Variants in CEP170 observed in about 807,000 individuals in gnomAD.
CEP170 encodes centrosomal protein of 170 kDa.
CEP170 carries 21 observed loss-of-function variants against 151.9 expected under a neutral mutation model. The observed-to-expected ratio is 0.14, with a 90% confidence interval of 0.10 to 0.20. The LOEUF is 0.20. CEP170 is among the 10% of genes least tolerant of loss of function. The pLI is 1.00. For missense variants in CEP170, 964 were observed against 1,892.9 expected, an observed-to-expected ratio of 0.51 and a Z score of 9.11; for synonymous variants, 356 against 648.8, an observed-to-expected ratio of 0.55 and a Z score of 6.86.
chr1:243,232,509 T>C (rs554582991), intron 1 of CEP170, among the ~76,000 whole-genome samples: 71 of 152,324 alleles, frequency 4.7e-4, no homozygotes, highest in African/African-American at 1.4e-3. Context: ...TATGCTACAA[T>C]TTAAAGTATC....
chr1:243,171,723 C>G (rs930679196), intron 11 of CEP170, among the ~76,000 whole-genome samples: 3 of 152,116 alleles, frequency 2.0e-5, no homozygotes, highest in Non-Finnish European at 1.5e-5. Flanking sequence ...TTGTTAAGTG[C>G]ATAAATCTCA....
intron 1 of CEP170, among the ~76,000 whole-genome samples, chr1:243,236,808 A>T (rs889534746): frequency 6.6e-6 from 1 of 152,186 alleles, no homozygotes; most frequent in African/African-American, 2.4e-5. Context: ...GGAGGAAAGC[A>T]GTCTGGGTTA....
chr1:243,241,520 T>C (rs1008856435), intron 1 of CEP170, among the ~76,000 whole-genome samples: 8 of 152,196 alleles, frequency 5.3e-5, no homozygotes, highest in African/African-American at 1.9e-4. Flanking sequence ...CCGGGAGTGG[T>C]GGCTCGCGTC....
chr1:243,248,789 A>C (rs2065658205), intron 1 of CEP170, among the ~76,000 whole-genome samples: 1 of 152,150 alleles, frequency 6.6e-6, no homozygotes, highest in African/African-American at 2.4e-5. Context: ...AAATCCTCCA[A>C]TGAATGCTCA....
At chr1:243,235,119 C>A (rs1205876125) in intron 1 of CEP170, among the ~76,000 whole-genome samples, 1 of 151,960 alleles carries the variant, frequency 6.6e-6, no homozygotes, top group Non-Finnish European at 1.5e-5. Context: ...GAGAATGGAT[C>A]AAGATAGAAA....
intron 2 of CEP170, among the ~76,000 whole-genome samples, chr1:243,224,585 A>G (rs2063082686): frequency 2.0e-5 from 3 of 152,160 alleles, no homozygotes; most frequent in African/African-American, 7.2e-5. Context: ...TCCCTGTAAG[A>G]ATCTATGCCT....
intron 1 of CEP170, among the ~76,000 whole-genome samples, chr1:243,235,422 T>C (rs2064166099): frequency 6.6e-6 from 1 of 152,212 alleles, no homozygotes; most frequent in Non-Finnish European, 1.5e-5. Context: ...GTTTTATAGT[T>C]ACTCCAAAAG....
At chr1:243,202,505 C>T (rs2061116038) in intron 4 of CEP170, among the ~76,000 whole-genome samples, 1 of 151,882 alleles carries the variant, frequency 6.6e-6, no homozygotes, top group Non-Finnish European at 1.5e-5. Context: ...AAGAAAAAAC[C>T]TAGAATTTAA....
intron 1 of CEP170, among the ~76,000 whole-genome samples, chr1:243,233,362 G>C (rs1460398504): frequency 1.3e-5 from 2 of 152,078 alleles, no homozygotes; most frequent in Non-Finnish European, 2.9e-5. Flanking sequence ...ATGAAACAAA[G>C]AAAAACTCTG....
At chr1:243,250,820 T>G (rs1360163973) in intron 1 of CEP170, among the ~76,000 whole-genome samples, 2 of 152,130 alleles carry the variant, frequency 1.3e-5, no homozygotes, top group African/African-American at 2.4e-5. Context: ...TGTTAAAGAG[T>G]TGATACAATT....
Position 243,172,752 on chromosome 1 carries a change from G to A in CEP170, c.1661C>T (p.Ala554Val), listed in dbSNP as rs767575758. Residue 554 changes from alanine (A) to valine (V), a missense_variant, in exon 11 of 20, where the codon GCA becomes GTA. By Grantham distance (64) the Ala-to-Val change is moderately conservative. Transcript: ENST00000366542. Reference protein sequence around the residue: ...LIKDWALSSAAAVMEERKPLT... With the variant: ...LIKDWALSSAVAVMEERKPLT... ...TGGTTTTCTTTCTTCCATTACTGCT[G>A]CAGCAGAACTGAGAGCCCAATCTTT... is the stretch of plus-strand genomic sequence containing the variant. 2.5e-6 allele frequency: 4 copies of A among 1,580,076 alleles called. No individual in the cohort carries two copies. The African/African-American group carries it at 4.1e-5, about 16-fold the overall frequency.
chr1:243,189,567 A>G (rs907798192), intron 8 of CEP170, among the ~76,000 whole-genome samples: 1 of 151,924 alleles, frequency 6.6e-6, no homozygotes, highest in Admixed American at 6.6e-5. Context: ...AAAAAAAAAA[A>G]AAAAAAATAG....
At position 243,164,425 on chromosome 1, in the gene CEP170, T is replaced by G; in HGVS notation, c.3535A>C (p.Arg1179=). 1 of 1,571,942 alleles carries G rather than the reference T, an allele frequency of 6.4e-7. No homozygotes were observed. The change falls in exon 13 of 20, where the codon AGG becomes CGG. Residue 1179 remains arginine, a synonymous_variant. Transcript: ENST00000366542. The part of the protein sequence containing the change: ...ATISRSSASS[R]TAEAIIRSGA... ...CTTCTAATGATGGCTTCTGCGGTCCTCGAAGAGGCACTACTTCTAGAAATT... is the reference window on the plus strand; with the variant it reads ...CTTCTAATGATGGCTTCTGCGGTCCGCGAAGAGGCACTACTTCTAGAAATT...
chr1:243,170,981 CA>C (rs2058801508), intron 11 of CEP170, among the ~76,000 whole-genome samples: 1 of 152,198 alleles, frequency 6.6e-6, no homozygotes, highest in Non-Finnish European at 1.5e-5. Flanking sequence ...GCGTCACTGA[CA>C]CACGCGTATG....
chr1:243,245,435 G>T (rs997528498), intron 1 of CEP170, among the ~76,000 whole-genome samples: 2 of 152,008 alleles, frequency 1.3e-5, no homozygotes, highest in Non-Finnish European at 2.9e-5. Flanking sequence ...AAAAAACCTT[G>T]GCCAGTGCGG....
At chr1:243,252,938 TA>T (rs1329137743) in intron 1 of CEP170, among the ~76,000 whole-genome samples, 1 of 152,186 alleles carries the variant, frequency 6.6e-6, no homozygotes, top group African/African-American at 2.4e-5. Flanking sequence ...AAGTTAAAAG[TA>T]ATCACTAATA....
At chr1:243,244,432 A>G (rs1425187172) in intron 1 of CEP170, among the ~76,000 whole-genome samples, 3 of 152,124 alleles carry the variant, frequency 2.0e-5, no homozygotes, top group African/African-American at 7.2e-5. Context: ...GAAACTAAAA[A>G]ACAAATAGTT....
At chr1:243,255,387 C>T (rs1236144932), upstream of CEP170, 1 of 153,188 alleles carries the variant, frequency 6.5e-6, no homozygotes, top group African/African-American at 2.4e-5. Flanking sequence ...GTCTCACCCA[C>T]ACGCTTTTCC....
At chr1:243,210,426 A>T (rs2061701239) in intron 4 of CEP170, among the ~76,000 whole-genome samples, 1 of 151,988 alleles carries the variant, frequency 6.6e-6, no homozygotes, top group Admixed American at 6.6e-5. Context: ...TTTAATGCTA[A>T]TTCTTAATTA....
Sources: allele counts gnomAD v4.1 joint callset (sites outside exome capture counted in the v4.1 genomes callset), GRCh38; gene constraint gnomAD v4.1.1; transcripts MANE v1.5; gene names NCBI Gene and HGNC (gene_info 2026-07-23, HGNC 2026-07-21).